The following EEFSEC variants were observed in gnomAD, a reference collection of about 807,000 sequenced individuals.
EEFSEC encodes eukaryotic elongation factor, selenocysteine-tRNA specific.
Under a neutral mutation model 42.1 loss-of-function variants are expected in EEFSEC, and 43 were observed. That is an observed-to-expected ratio of 1.02 (90% CI 0.80 to 1.32). EEFSEC has a LOEUF of 1.32. Among genes scored for constraint, EEFSEC ranks in the 40% most tolerant of loss-of-function variants. EEFSEC has a pLI of 0.00. For missense variants in EEFSEC, 745 were observed against 803.6 expected (o/e 0.93, Z 0.88); for synonymous variants, 354 against 339.1 (o/e 1.04, Z -0.48).
At chr3:128,212,681 TA>T (rs2065770887) in intron 1 of EEFSEC, among the ~76,000 whole-genome samples, 1 of 152,228 alleles carries the variant, frequency 6.6e-6, no homozygotes, top group Admixed American at 6.5e-5. Flanking sequence ...TCAATGTTTT[TA>T]AAAATGGCAT....
chr3:128,226,905 G>A (rs1038121679), intron 1 of EEFSEC, among the ~76,000 whole-genome samples: 1 of 152,184 alleles, frequency 6.6e-6, no homozygotes, highest in African/African-American at 2.4e-5. Context: ...GGCATCTTGA[G>A]AAATTAATAG....
intron 6 of EEFSEC, among the ~76,000 whole-genome samples, chr3:128,402,959 C>G (rs2068065033): frequency 6.6e-6 from 1 of 151,998 alleles, no homozygotes; most frequent in Non-Finnish European, 1.5e-5. Flanking sequence ...TCAGCAGAGG[C>G]AGACAACAAA....
intron 5 of EEFSEC, among the ~76,000 whole-genome samples, chr3:128,342,338 G>A (rs893188152): frequency 2.6e-5 from 4 of 152,238 alleles, no homozygotes; most frequent in Non-Finnish European, 5.9e-5. Flanking sequence ...GCCCCTGCAA[G>A]CTGCTTATGT....
chr3:128,396,700 T>C (rs1434388740), intron 6 of EEFSEC, among the ~76,000 whole-genome samples: 1 of 152,178 alleles, frequency 6.6e-6, no homozygotes, highest in Non-Finnish European at 1.5e-5. Flanking sequence ...TCCTGAGTGC[T>C]CTGTGCCTCA....
intron 1 of EEFSEC, among the ~76,000 whole-genome samples, chr3:128,182,460 T>C (rs1166116247): frequency 6.6e-6 from 1 of 152,202 alleles, no homozygotes; most frequent in Admixed American, 6.5e-5. Context: ...CTTCCTTCTG[T>C]CTCTGTGTTT....
At chr3:128,358,607 T>A (rs59772817) in intron 6 of EEFSEC, among the ~76,000 whole-genome samples, 2,931 of 151,710 alleles carry the variant, frequency 0.019, 102 homozygotes, top group African/African-American at 0.066. Flanking sequence ...AAGATTGGAG[T>A]CTGAGTTCCC....
At chr3:128,320,526 G>T (rs2066995828) in intron 4 of EEFSEC, among the ~76,000 whole-genome samples, 1 of 152,138 alleles carries the variant, frequency 6.6e-6, no homozygotes, top group South Asian at 2.1e-4. Context: ...CCCTGGCCTG[G>T]GGTCACGTAG....
chr3:128,348,250 ATGCGTGTGTGTGTGTGTGTGCGTG>A (rs1336082635), intron 5 of EEFSEC, among the ~76,000 whole-genome samples: 4 of 113,556 alleles, frequency 3.5e-5, no homozygotes, highest in South Asian at 3.1e-4. Context: ...CAAAGTGTGC[ATGCGTGTGTGTGTGTGTGTGCGTG>A]TGCGTGTGTG....
chr3:128,363,203 T>C (rs2067549245), intron 6 of EEFSEC, among the ~76,000 whole-genome samples: 1 of 152,194 alleles, frequency 6.6e-6, no homozygotes, highest in South Asian at 2.1e-4. Flanking sequence ...AGCACCTCGT[T>C]TCACTGCACA....
rs139436838 is a variant in EEFSEC, at chr3:128,184,922, G to T, written c.316+31099G>T. Reference sequence around the variant, plus strand: ...ATGATGGCTCATGGCTGTAATCCCAGCATTTTGGGAGGCTGAAGCTAGAGA... The same window carrying T: ...ATGATGGCTCATGGCTGTAATCCCATCATTTTGGGAGGCTGAAGCTAGAGA... On this transcript the variant is annotated intron_variant, in intron 1 of 6. Coordinates refer to ENST00000254730, the MANE Select transcript of EEFSEC (RefSeq NM_021937.5). Among the ~76,000 whole-genome samples the T allele has an allele frequency of 4.6e-3, 698 of 152,228 alleles. 4 individuals are homozygous for T. The highest frequency in any genetic ancestry group is 0.015 in the African/African-American group (614 of 41,524).
chr3:128,187,407 A>G (rs1171119615), intron 1 of EEFSEC, among the ~76,000 whole-genome samples: 2 of 152,222 alleles, frequency 1.3e-5, no homozygotes, highest in Non-Finnish European at 2.9e-5. Context: ...GGGCTTTCCC[A>G]GAGCTTCTGT....
At chr3:128,187,685 G>A (rs568020163) in intron 1 of EEFSEC, among the ~76,000 whole-genome samples, 6 of 152,352 alleles carry the variant, frequency 3.9e-5, no homozygotes, top group African/African-American at 1.4e-4. Context: ...TTGGAGGGTA[G>A]GGGATAGACC....
intron 1 of EEFSEC, among the ~76,000 whole-genome samples, chr3:128,206,439 T>G (rs1417380901): frequency 6.6e-6 from 1 of 152,176 alleles, no homozygotes; most frequent in Non-Finnish European, 1.5e-5. Flanking sequence ...AAAGGTTCCA[T>G]CTCTGCTGTG....
intron 5 of EEFSEC, among the ~76,000 whole-genome samples, chr3:128,345,058 C>T (rs1330144934): frequency 6.6e-6 from 1 of 152,156 alleles, no homozygotes; most frequent in Non-Finnish European, 1.5e-5. Flanking sequence ...ATGTGCAAGC[C>T]TGGGCTTTAT....
chr3:128,419,737 C>T, the EEFSEC span, among the ~76,000 whole-genome samples: 1 of 152,212 alleles, frequency 6.6e-6, no homozygotes, highest in African/African-American at 2.4e-5. Context: ...CCACCCAGCC[C>T]TTGTTTCCTG....
Position 128,341,811 on chromosome 3 carries a change from G to C in EEFSEC, c.1365G>C (p.Glu455Asp), listed in dbSNP as rs1204560282. 1.2e-6 allele frequency: 2 copies of C among 1,614,066 alleles called. No individual in the cohort carries two copies. Among genetic ancestry groups the C allele is most frequent in the Admixed American group, 3.3e-5 (2 of 60,028 alleles). ...AFHGILLHGLEDRNYADSFLP... is the reference protein window; with the variant it reads ...AFHGILLHGLDDRNYADSFLP... ...ATGGCATCCTGCTCCACGGGCTAGA[G>C]GACAGGAACTACGCCGACAGCTTCC... Residue 455 changes from glutamate to aspartate, a missense_variant, in exon 5 of 7, where the codon GAG (glutamate) becomes GAC (aspartate). Glu to Asp is a conservative substitution (Grantham distance 45, BLOSUM62 2). Transcript: ENST00000254730.
Position 128,260,281 on chromosome 3 carries a change from T to C in EEFSEC, c.525-1847T>C, listed in dbSNP as rs116772772. Among the ~76,000 whole-genome samples the C allele has an allele frequency of 3.4e-3, 523 of 152,308 alleles. 1 individual carries two copies. Among genetic ancestry groups the C allele is most frequent in the African/African-American group, 0.012 (487 of 41,542 alleles). ...CGCTTCTTTCTTGATGGCTTCAAGA[T>C]TCTCTTTGTCTTTGGCCTTCAACAG... On this transcript the variant is annotated intron_variant, in intron 2 of 6. Coordinates refer to ENST00000254730, the MANE Select transcript of EEFSEC (RefSeq NM_021937.5).
At chr3:128,200,899 A>C (rs754440642) in intron 1 of EEFSEC, among the ~76,000 whole-genome samples, 5 of 152,116 alleles carry the variant, frequency 3.3e-5, no homozygotes, top group Non-Finnish European at 5.9e-5. Flanking sequence ...GGCTCAATGA[A>C]GAGAGAAGTT....
At chr3:128,377,400 C>T (rs186416512) in intron 6 of EEFSEC, among the ~76,000 whole-genome samples, 1 of 152,310 alleles carries the variant, frequency 6.6e-6, no homozygotes, top group African/African-American at 2.4e-5. Flanking sequence ...ACCTAGATAA[C>T]CAAGCAGGCC....
Sources: allele counts gnomAD v4.1 joint callset (sites outside exome capture counted in the v4.1 genomes callset), GRCh38; gene constraint gnomAD v4.1.1; transcripts MANE v1.5; gene names NCBI Gene and HGNC (gene_info 2026-07-23, HGNC 2026-07-21).